TRIM2: variants seen among roughly 807,000 people sequenced by gnomAD.
TRIM2 encodes the protein tripartite motif containing 2.
In TRIM2, 20 loss-of-function variants were observed where a neutral mutation model predicts 75.2. The ratio of observed to expected loss-of-function variants is 0.27; its 90% confidence interval spans 0.19 to 0.39. The LOEUF (loss-of-function observed/expected upper bound fraction) is 0.39, where lower values mean the gene tolerates loss of function less well. Ranked by LOEUF, TRIM2 falls within the 10% of genes least tolerant of loss-of-function variation. The probability of loss-of-function intolerance (pLI) is 1.00; values close to 1 mark genes in which losing one functional copy is unlikely to be tolerated. For synonymous variants in TRIM2, 373 were observed against 388.3 expected (o/e 0.96, Z 0.46); for missense variants, 660 against 990.8 (o/e 0.67, Z 4.48).
chr4:153,155,826 GC>G (rs1454530975), intron 1 of TRIM2, among the ~76,000 whole-genome samples: 9 of 152,104 alleles, frequency 5.9e-5, no homozygotes, highest in Admixed American at 5.9e-4. Context: ...AGCTCCCTAG[GC>G]AAAACACTAG....
Position 153,299,489 on chromosome 4 carries a change from G to A in TRIM2, c.1510+3453G>A, listed in dbSNP as rs752425376. On this transcript the variant is annotated intron_variant, in intron 6 of 11. Coordinates refer to ENST00000338700, the MANE Select transcript of TRIM2 (RefSeq NM_015271.5). ...TGAACAGTGCTGCAGTGAAACATGA[G>A]GATGCAGATATCTCTTTGACATCTT... is the stretch of plus-strand genomic sequence containing the variant. 1.6e-4 allele frequency among the ~76,000 whole-genome samples: 24 copies of A among 152,108 alleles called. 1 individual carries two copies. Among genetic ancestry groups the A allele is most frequent in the Non-Finnish European group, 3.1e-4 (21 of 68,040 alleles).
Position 153,336,094 on chromosome 4 carries a change from G to A in TRIM2, c.*1128G>A, listed in dbSNP as rs2149610770. 3.1e-6 allele frequency: 3 copies of A among 983,250 alleles called. No individual in the cohort carries two copies. The East Asian group carries it at 3.4e-4, about 112-fold the overall frequency. The allele number at this position is 983,250 out of a possible 1,614,324, so 60.9% of individuals were successfully genotyped here. A position where few individuals can be genotyped will look rare whatever the true frequency, so the allele number is the denominator to read the frequency against. ...AGGTGTCAAGGGACTATGTATACAT[G>A]ATTAGGGTAAGATAGAATGTATTAT... is the stretch of plus-strand genomic sequence containing the variant. On this transcript the variant is annotated 3_prime_UTR_variant, in exon 12 of 12. Transcript: ENST00000338700.
chr4:153,213,558 C>T (rs921275751), intron 1 of TRIM2, among the ~76,000 whole-genome samples: 8 of 152,148 alleles, frequency 5.3e-5, no homozygotes, highest in Middle Eastern at 3.2e-3. Context: ...GACAGAGTCT[C>T]GCTCTGTCGC....
intron 1 of TRIM2, among the ~76,000 whole-genome samples, chr4:153,244,523 G>C (rs1748573415): frequency 7.1e-6 from 1 of 140,180 alleles, no homozygotes; most frequent in African/African-American, 2.5e-5. Context: ...AGTCTCCAAA[G>C]TAGCTGAGAT....
At chr4:153,152,540 G>T (rs567971903), upstream of TRIM2, 4 of 151,732 alleles carry the variant, frequency 2.6e-5, no homozygotes, top group South Asian at 2.1e-4. Flanking sequence ...AGATTGAGTC[G>T]CTATCAAGGA....
intron 1 of TRIM2, chr4:153,266,789 T>A (rs565674971): frequency 9.2e-5 from 14 of 152,180 alleles, no homozygotes; most frequent in African/African-American, 3.4e-4. Flanking sequence ...CCAGCCTGTT[T>A]TAAAAATCAT....
intron 3 of TRIM2, among the ~76,000 whole-genome samples, chr4:153,284,677 A>G (rs933721969): frequency 1.3e-5 from 2 of 152,098 alleles, no homozygotes; most frequent in Non-Finnish European, 2.9e-5. Context: ...TTTGATTTGC[A>G]TTTGCCAAAT....
chr4:153,299,027 C>T (rs1763325637), intron 6 of TRIM2, among the ~76,000 whole-genome samples: 1 of 152,186 alleles, frequency 6.6e-6, no homozygotes, highest in African/African-American at 2.4e-5. Flanking sequence ...GCGTGAGCCA[C>T]CATGCCTAGC....
intron 1 of TRIM2, among the ~76,000 whole-genome samples, chr4:153,165,233 G>A (rs1229040130): frequency 1.3e-5 from 2 of 152,042 alleles, no homozygotes; most frequent in Non-Finnish European, 2.9e-5. Context: ...TCTTTTCCTT[G>A]CTTGGTTTAA....
In TRIM2 at chr4:153,276,038, C is replaced by A; in HGVS notation, c.361C>A (p.Pro121Thr). Residue 121 changes from proline (P) to threonine (T), a missense_variant, in exon 3 of 12, where the codon CCA becomes ACA. Pro to Thr is a conservative substitution (Grantham distance 38, BLOSUM62 -1). Around this residue, in one of 2 missense-constraint regions of TRIM2, gnomAD observed 620 missense variants for 891.0 expected, o/e 0.70. Coordinates refer to ENST00000338700, the MANE Select transcript of TRIM2 (RefSeq NM_015271.5). ...CCTGATGGACGTGCTGCAGCGAACTCCAGGCAGCAACGCTGAGGAGTCTTC... is the reference window on the plus strand; with the variant it reads ...CCTGATGGACGTGCTGCAGCGAACTACAGGCAGCAACGCTGAGGAGTCTTC... ...TNLMDVLQRTPGSNAEESSIL... is the reference protein window; with the variant it reads ...TNLMDVLQRTTGSNAEESSIL... 1 of 1,614,204 alleles carries A rather than the reference C, an allele frequency of 6.2e-7. No individual in the cohort carries two copies. The highest frequency in any genetic ancestry group is 8.5e-7 in the Non-Finnish European group (1 of 1,180,040).
intron 1 of TRIM2, among the ~76,000 whole-genome samples, chr4:153,191,859 G>A (rs770135939): frequency 1.3e-5 from 2 of 152,074 alleles, no homozygotes; most frequent in South Asian, 2.1e-4. Context: ...TAAAGTCATC[G>A]TGCCGCAAGT....
intron 6 of TRIM2, among the ~76,000 whole-genome samples, chr4:153,300,683 C>A (rs1430874482): frequency 2.0e-5 from 3 of 151,982 alleles, no homozygotes; most frequent in Admixed American, 2.0e-4. Context: ...CACTAGCACA[C>A]CCAGCTAATT....
Position 153,335,395 on chromosome 4 carries a change from A to G in TRIM2, c.*429A>G. ...ATATACTTCATTTAACCTAGGTCACAAGACCCAGGGAATCTTCTAACCTCA... is the reference window on the plus strand; with the variant it reads ...ATATACTTCATTTAACCTAGGTCACGAGACCCAGGGAATCTTCTAACCTCA... On this transcript the variant is annotated 3_prime_UTR_variant, in exon 12 of 12. Coordinates refer to ENST00000338700, the MANE Select transcript of TRIM2 (RefSeq NM_015271.5). 1 of 986,028 alleles carries G rather than the reference A, an allele frequency of 1.0e-6. No homozygotes were observed. The highest frequency in any genetic ancestry group is 1.2e-6 in the Non-Finnish European group (1 of 830,336). 61.1% of individuals were successfully genotyped at this position (986,028 alleles called of 1,614,324 possible). A position where few individuals can be genotyped will look rare whatever the true frequency, so the allele number is the denominator to read the frequency against.
chr4:153,338,965 T>G lies in TRIM2; in HGVS notation c.*3999T>G, dbSNP rs1772784241. 2.0e-6 allele frequency: 2 copies of G among 980,724 alleles called. No homozygotes were observed. Among genetic ancestry groups the G allele is most frequent in the South Asian group, 4.8e-5 (1 of 21,034 alleles). 60.8% of individuals were successfully genotyped at this position (980,724 alleles called of 1,614,324 possible). On this transcript the variant is annotated 3_prime_UTR_variant, in exon 12 of 12. Coordinates refer to ENST00000338700, the MANE Select transcript of TRIM2 (RefSeq NM_015271.5). ...TGAATATGAAGGGGTTTTTTTTTTT[T>G]GCTTTGTTTTCTTTTTAGATTTTGT...
chr4:153,275,778 CTGGGA>C lies in TRIM2; in HGVS notation c.216-109_216-105del. 5.5e-6 allele frequency: 5 copies of C among 917,378 alleles called. No individual in the cohort carries two copies. The East Asian group carries it at 1.2e-4, about 22-fold the overall frequency. 56.8% of individuals were successfully genotyped at this position (917,378 alleles called of 1,614,324 possible). Reference sequence around the variant, plus strand: ...AATATTATTTTCCTAGTAAAGGAGACTGGGATGGGAGTTTCTGCCAAATACCTTGT... The same window carrying C: ...AATATTATTTTCCTAGTAAAGGAGACTGGGAGTTTCTGCCAAATACCTTGT... On this transcript the variant is annotated intron_variant, in intron 2 of 11. Transcript: ENST00000338700.
rs991058078 is a variant in TRIM2, at chr4:153,238,891, A to G, written c.31-31444A>G. Among the ~76,000 whole-genome samples the G allele has an allele frequency of 4.6e-5, 7 of 152,304 alleles. No homozygotes were observed. The East Asian group carries it at 1.3e-3, about 29-fold the overall frequency. ...TACAGAAACCTAAGGGCTCTCTATT[A>G]TGGACTGAATGTTCATGAATCCCCC... is the stretch of plus-strand genomic sequence containing the variant. On this transcript the variant is annotated intron_variant, in intron 1 of 11. Transcript: ENST00000338700.
At chr4:153,244,469 C>T (rs1047546626) in intron 1 of TRIM2, among the ~76,000 whole-genome samples, 2 of 143,548 alleles carry the variant, frequency 1.4e-5, no homozygotes, top group East Asian at 2.1e-4. Context: ...CTATGTTGCC[C>T]GAGCTGATCT....
chr4:153,293,785 G>A (rs1037490828), intron 4 of TRIM2, among the ~76,000 whole-genome samples: 7 of 152,154 alleles, frequency 4.6e-5, no homozygotes, highest in African/African-American at 1.7e-4. Context: ...CAAGAAACTG[G>A]GTTTGGATAA....
At chr4:153,268,366 C>T (rs1186530267) in intron 1 of TRIM2, among the ~76,000 whole-genome samples, 8 of 105,904 alleles carry the variant, frequency 7.6e-5, no homozygotes, top group African/African-American at 2.9e-4. Flanking sequence ...GGGCCATTAT[C>T]AATTTTTTTC....
Sources: gnomAD v4.1 joint callset for allele counts (sites outside exome capture counted in the v4.1 genomes callset) on GRCh38, gnomAD v4.1.1 for gene constraint, gnomAD v4.1.1 regional missense constraint, MANE v1.5 for transcripts, NCBI Gene and HGNC (gene_info 2026-07-23, HGNC 2026-07-21) for gene names.